Variants in GPC5 observed in about 807,000 individuals in gnomAD.
GPC5 encodes glypican 5.
GPC5 carries 47 observed loss-of-function variants against 53.9 expected under a neutral mutation model. The ratio of observed to expected loss-of-function variants is 0.87; its 90% CI spans 0.69 to 1.11. The LOEUF is 1.11. Ranked by LOEUF, GPC5 falls within the 50% of genes most tolerant of loss-of-function variation. The pLI is 0.00. For synonymous variants in GPC5, 286 were observed against 263.3 expected, an observed-to-expected ratio of 1.09 and a Z score of -0.84; for missense variants, 748 against 713.1, an observed-to-expected ratio of 1.05 and a Z score of -0.56.
At chr13:92,294,847 G>A (rs1345093805) in intron 7 of GPC5, among the ~76,000 whole-genome samples, 3 of 117,074 alleles carry the variant, frequency 2.6e-5, no homozygotes, top group Non-Finnish European at 5.1e-5. Context: ...TTTTTTTTCC[G>A]AGATGGAGTT....
At chr13:92,502,770 T>C (rs1167468553) in intron 7 of GPC5, among the ~76,000 whole-genome samples, 1 of 152,042 alleles carries the variant, frequency 6.6e-6, no homozygotes, top group Non-Finnish European at 1.5e-5. Flanking sequence ...AACATTCTTT[T>C]CTCAGTAGCT....
chr13:92,720,615 A>G (rs1269644170), intron 7 of GPC5, among the ~76,000 whole-genome samples: 2 of 152,154 alleles, frequency 1.3e-5, no homozygotes, highest in African/African-American at 4.8e-5. Context: ...AATTGATGTT[A>G]CATAACGTAC....
intron 7 of GPC5, among the ~76,000 whole-genome samples, chr13:92,331,995 G>A (rs562894584): frequency 3.4e-4 from 51 of 152,176 alleles, no homozygotes; most frequent in African/African-American, 1.2e-3. Flanking sequence ...CAATACAGAA[G>A]CAATTCAATG....
chr13:91,585,903 A>G (rs1192435700), intron 2 of GPC5, among the ~76,000 whole-genome samples: 1 of 152,070 alleles, frequency 6.6e-6, no homozygotes, highest in East Asian at 1.9e-4. Flanking sequence ...AAAACAAGAA[A>G]CTATATTCTT....
At chr13:92,796,257 C>G (rs933740265) in intron 7 of GPC5, among the ~76,000 whole-genome samples, 1 of 152,028 alleles carries the variant, frequency 6.6e-6, no homozygotes, top group African/African-American at 2.4e-5. Context: ...CAAACTATCA[C>G]AAGGACAGAA....
At chr13:92,648,722 T>C (rs1484776741) in intron 7 of GPC5, among the ~76,000 whole-genome samples, 4 of 152,142 alleles carry the variant, frequency 2.6e-5, no homozygotes, top group Non-Finnish European at 5.9e-5. Context: ...TTGCTAATTA[T>C]TCTATACATA....
At chr13:91,900,638 A>T (rs1459589700) in intron 5 of GPC5, among the ~76,000 whole-genome samples, 4 of 152,102 alleles carry the variant, frequency 2.6e-5, no homozygotes, top group Non-Finnish European at 5.9e-5. Context: ...AACCATAAAA[A>T]CAGAGCTTTG....
At chr13:92,226,155 C>T (rs2042484512) in intron 7 of GPC5, among the ~76,000 whole-genome samples, 1 of 152,156 alleles carries the variant, frequency 6.6e-6, no homozygotes, top group Non-Finnish European at 1.5e-5. Flanking sequence ...CTTTGCCTTC[C>T]ACCATGATTG....
chr13:92,816,466 G>A (rs1877480940), intron 7 of GPC5, among the ~76,000 whole-genome samples: 1 of 151,968 alleles, frequency 6.6e-6, no homozygotes, highest in African/African-American at 2.4e-5. Flanking sequence ...TTGCCTGGTG[G>A]GAAAGTTACT....
At position 91,726,864 on chromosome 13, in the gene GPC5, C is replaced by A. The variant is rs565223705; in HGVS notation, c.1021-1668C>A. ...TCTCATGTGGAAATCTGAAGCAGCGCTTTCCCTGCTTGGAAGCTTTTGCCT... is the reference window on the plus strand; with the variant it reads ...TCTCATGTGGAAATCTGAAGCAGCGATTTCCCTGCTTGGAAGCTTTTGCCT... On this transcript the variant is annotated intron_variant, in intron 3 of 7. Coordinates refer to ENST00000377067, the MANE Select transcript of GPC5 (RefSeq NM_004466.6). Among the ~76,000 whole-genome samples the A allele has an allele frequency of 8.5e-5, 13 of 152,340 alleles. 1 individual carries two copies. In the South Asian group the frequency reaches 2.5e-3, roughly 29 times the overall value.
At chr13:92,056,616 G>A (rs1233379007) in intron 6 of GPC5, among the ~76,000 whole-genome samples, 2 of 152,000 alleles carry the variant, frequency 1.3e-5, no homozygotes. Flanking sequence ...TCTTTTTTCT[G>A]TAACTACATC....
rs1351497171 is a variant in GPC5 at position 91,712,442 on chromosome 13, AC to A, written c.1021-16089del. The stretch of plus-strand genomic sequence containing the variant: ...TTGAATATATTGGTGTTTCTCACTA[AC>A]TTGGGTGAAAGTATGAATCATAAAT... On this transcript the variant is annotated intron_variant, in intron 3 of 7. Transcript: ENST00000377067. Among the ~76,000 whole-genome samples the A allele has an allele frequency of 3.9e-5, 6 of 152,090 alleles. No individual in the cohort carries two copies. In the East Asian group the frequency reaches 1.2e-3, roughly 29 times the overall value.
chr13:91,712,762 C>T (rs1162804400), intron 3 of GPC5, among the ~76,000 whole-genome samples: 2 of 151,984 alleles, frequency 1.3e-5, no homozygotes, highest in South Asian at 4.1e-4. Context: ...CACAAAACCA[C>T]TCTTACCCTG....
intron 2 of GPC5, among the ~76,000 whole-genome samples, chr13:91,476,054 T>C (rs1230795700): frequency 6.6e-6 from 1 of 152,226 alleles, no homozygotes; most frequent in African/African-American, 2.4e-5. Flanking sequence ...GCTAAAAGCA[T>C]ACCTGCATTG....
intron 2 of GPC5, among the ~76,000 whole-genome samples, chr13:91,574,929 A>G (rs1003843686): frequency 6.6e-6 from 1 of 152,160 alleles, no homozygotes; most frequent in Non-Finnish European, 1.5e-5. Flanking sequence ...ACAGATGGCT[A>G]GGAATCATCC....
intron 6 of GPC5, among the ~76,000 whole-genome samples, chr13:92,015,955 G>C (rs1010863610): frequency 1.3e-5 from 2 of 152,228 alleles, no homozygotes; most frequent in Admixed American, 6.5e-5. Flanking sequence ...GCTTCTGGAT[G>C]ATGGGTGCAT....
intron 7 of GPC5, among the ~76,000 whole-genome samples, chr13:92,587,423 G>A (rs1883572417): frequency 6.6e-6 from 1 of 152,142 alleles, no homozygotes; most frequent in Non-Finnish European, 1.5e-5. Flanking sequence ...ACAAGTAAAT[G>A]TCATAGCCAG....
intron 2 of GPC5, among the ~76,000 whole-genome samples, chr13:91,580,607 AT>A (rs1301356145): frequency 2.6e-5 from 4 of 152,024 alleles, no homozygotes; most frequent in African/African-American, 9.7e-5. Context: ...TTTGCAGAGA[AT>A]GTAACTGTTT....
chr13:92,572,222 C>T (rs1245534640), intron 7 of GPC5, among the ~76,000 whole-genome samples: 28 of 152,090 alleles, frequency 1.8e-4, no homozygotes, highest in Non-Finnish European at 1.5e-5. Context: ...AATTAAATAT[C>T]TGGTCCGAGT....
Sources: gnomAD v4.1 joint callset for allele counts (sites outside exome capture counted in the v4.1 genomes callset) on GRCh38, gnomAD v4.1.1 for gene constraint, MANE v1.5 for transcripts, NCBI Gene and HGNC (gene_info 2026-07-23, HGNC 2026-07-21) for gene names.